The following ZDHHC13 variants were observed in gnomAD, a reference collection of about 807,000 sequenced individuals.
The protein encoded by ZDHHC13 is palmitoyltransferase ZDHHC13.
In ZDHHC13, 85 loss-of-function variants were observed where a neutral mutation model predicts 86.0. That is an observed-to-expected ratio of 0.99 (90% CI 0.83 to 1.18). ZDHHC13 has a LOEUF of 1.18. Among genes scored for constraint, ZDHHC13 ranks in the 50% most tolerant of loss-of-function variants. The pLI, the probability that ZDHHC13 is intolerant of heterozygous loss-of-function variation, is 0.00. For missense variants in ZDHHC13, 711 were observed against 730.2 expected (o/e 0.97, Z 0.30); for synonymous variants, 263 against 246.4 (o/e 1.07, Z -0.63).
intron 8 of ZDHHC13, among the ~76,000 whole-genome samples, chr11:19,154,687 A>G (rs1849708984): frequency 1.3e-5 from 2 of 152,164 alleles, no homozygotes; most frequent in South Asian, 2.1e-4. Flanking sequence ...TCAGTCTTTG[A>G]TCTCCATGTG....
chr11:19,119,691 G>C (rs796260420), intron 1 of ZDHHC13, among the ~76,000 whole-genome samples: 9 of 152,256 alleles, frequency 5.9e-5, no homozygotes, highest in African/African-American at 2.2e-4. Context: ...GTACTTATTG[G>C]TCTTGTTTAT....
chr11:19,174,962 G>T (rs1272702819), intron 16 of ZDHHC13, among the ~76,000 whole-genome samples: 1 of 152,198 alleles, frequency 6.6e-6, no homozygotes, highest in African/African-American at 2.4e-5. Context: ...AGGCAGAGGA[G>T]TATCTTTAAA....
At chr11:19,169,244 CT>C in intron 14 of ZDHHC13, 1 of 985,356 alleles carries the variant, frequency 1.0e-6, no homozygotes, top group Non-Finnish European at 1.2e-6. Flanking sequence ...AAATTATATT[CT>C]TTTTTGTGAT....
intron 1 of ZDHHC13, among the ~76,000 whole-genome samples, chr11:19,138,121 G>T (rs1208888551): frequency 6.6e-6 from 1 of 151,884 alleles, no homozygotes; most frequent in African/African-American, 2.4e-5. Context: ...AATGAATACA[G>T]GAGCTGGTTT....
intron 1 of ZDHHC13, among the ~76,000 whole-genome samples, chr11:19,127,566 G>A (rs962625977): frequency 6.6e-6 from 1 of 151,858 alleles, no homozygotes. Flanking sequence ...TTTTTTCTAG[G>A]GTTTTTATAG....
At chr11:19,163,471 A>G (rs1590088273) in intron 11 of ZDHHC13, 44 bp downstream of exon 11, 1 of 1,537,356 alleles carries the variant, frequency 6.5e-7, no homozygotes, top group Middle Eastern at 1.9e-4. Context: ...GAGGGTTTGT[A>G]AACTTTAGAA....
intron 8 of ZDHHC13, among the ~76,000 whole-genome samples, chr11:19,153,859 C>CTT (rs769341781): frequency 1.4e-5 from 2 of 145,128 alleles, no homozygotes; most frequent in Admixed American, 6.9e-5. Context: ...CTGTCTTCGC[C>CTT]TTTTTTTTTT....
chr11:19,120,555 G>A (rs1352330723), intron 1 of ZDHHC13, among the ~76,000 whole-genome samples: 1 of 152,208 alleles, frequency 6.6e-6, no homozygotes, highest in Non-Finnish European at 1.5e-5. Flanking sequence ...TCAGAGTCAA[G>A]AGGAAGGGAC....
At chr11:19,155,310 A>G (rs976715266) in intron 8 of ZDHHC13, among the ~76,000 whole-genome samples, 3 of 152,206 alleles carry the variant, frequency 2.0e-5, no homozygotes, top group Non-Finnish European at 4.4e-5. Context: ...TATAAAATGT[A>G]GGGTTTTTAA....
Position 19,166,316 on chromosome 11 carries a change from C to A in ZDHHC13, c.1405C>A (p.His469Asn). The change falls in exon 14 of 17, where the codon CAC becomes AAC. Residue 469 changes from histidine to asparagine, a missense_variant. Transcript: ENST00000446113. ...TGRCIGFGNH[H>N]YYIFFLFFLS... is the part of the protein sequence containing the mutation. Reference sequence around the variant, plus strand: ...TTTTTCTTGAGGTTTTGGCAACCATCACTATTACATATTCTTCTTGTTTTT... The same window carrying A: ...TTTTTCTTGAGGTTTTGGCAACCATAACTATTACATATTCTTCTTGTTTTT... 1 of 1,609,882 alleles carries A rather than the reference C, an allele frequency of 6.2e-7. No homozygotes were observed. The highest frequency in any genetic ancestry group is 8.5e-7 in the Non-Finnish European group (1 of 1,178,912).
chr11:19,167,600 C>G (rs149361259), intron 14 of ZDHHC13: 1 of 152,130 alleles, frequency 6.6e-6, no homozygotes, highest in East Asian at 1.9e-4. Context: ...CTTCAGTTAC[C>G]TTGTCAGACC....
chr11:19,125,933 G>A (rs888440408), intron 1 of ZDHHC13, among the ~76,000 whole-genome samples: 3 of 152,126 alleles, frequency 2.0e-5, no homozygotes, highest in Non-Finnish European at 2.9e-5. Context: ...TGGGGTTACG[G>A]GAGGGTATGA....
chr11:19,130,848 T>G (rs550126592), intron 1 of ZDHHC13, among the ~76,000 whole-genome samples: 41 of 151,852 alleles, frequency 2.7e-4, no homozygotes, highest in African/African-American at 9.9e-4. Context: ...CTGGTTTTTT[T>G]TGTTTTTTTT....
chr11:19,135,949 T>G (rs1235169968), intron 1 of ZDHHC13, among the ~76,000 whole-genome samples: 1 of 151,858 alleles, frequency 6.6e-6, no homozygotes, highest in Non-Finnish European at 1.5e-5. Flanking sequence ...AGACCAAAAG[T>G]AGATAAAACC....
At chr11:19,172,205 T>C (rs1850241917) in intron 15 of ZDHHC13, among the ~76,000 whole-genome samples, 1 of 152,172 alleles carries the variant, frequency 6.6e-6, no homozygotes, top group African/African-American at 2.4e-5. Flanking sequence ...CCCAAGTAGC[T>C]GGGATTACAG....
intron 1 of ZDHHC13, among the ~76,000 whole-genome samples, chr11:19,136,748 T>G (rs556655086): frequency 0.015 from 2,321 of 151,810 alleles, 42 homozygotes; most frequent in African/African-American, 0.053. Flanking sequence ...AGCCAGAAGA[T>G]AGTGGGGGCC....
At chr11:19,169,229 G>C in intron 14 of ZDHHC13, 2 of 985,434 alleles carry the variant, frequency 2.0e-6, no homozygotes, top group Non-Finnish European at 2.4e-6. Context: ...TCCACCTACT[G>C]TTGGAAATTA....
At chr11:19,168,872 C>T in intron 14 of ZDHHC13, 1 of 985,390 alleles carries the variant, frequency 1.0e-6, no homozygotes, top group African/African-American at 1.7e-5. Context: ...TGTCAGCATC[C>T]TACAAGTTAC....
intron 1 of ZDHHC13, among the ~76,000 whole-genome samples, chr11:19,133,457 GT>G (rs1455308227): frequency 1.3e-5 from 2 of 151,514 alleles, no homozygotes; most frequent in Non-Finnish European, 2.9e-5. Context: ...ATAGCAATAT[GT>G]TTTTTTATAA....
Sources: allele counts gnomAD v4.1 joint callset (sites outside exome capture counted in the v4.1 genomes callset), GRCh38; gene constraint gnomAD v4.1.1; transcripts MANE v1.5; gene names NCBI Gene and HGNC (gene_info 2026-07-23, HGNC 2026-07-21).